Variants in RANBP2 observed in about 807,000 individuals in gnomAD.
RANBP2 encodes the protein E3 SUMO-protein ligase RanBP2.
RANBP2 carries 57 observed loss-of-function variants against 303.6 expected under a neutral mutation model. That is an observed-to-expected ratio of 0.19 (90% CI 0.15 to 0.23). RANBP2 has a LOEUF of 0.23. Ranked by LOEUF, RANBP2 falls within the 10% of genes least tolerant of loss-of-function variation. The pLI is 1.00. For synonymous variants in RANBP2, 1,167 were observed against 1,301.5 expected, an observed-to-expected ratio of 0.90 and a Z score of 2.23; for missense variants, 3,138 against 3,780.8, an observed-to-expected ratio of 0.83 and a Z score of 4.46.
the RANBP2 span, among the ~76,000 whole-genome samples, chr2:109,360,413 C>CT: frequency 6.6e-6 from 1 of 152,226 alleles, no homozygotes; most frequent in South Asian, 2.1e-4. Flanking sequence ...TGTACACAAA[C>CT]TTTGTTTCAT....
the RANBP2 span, among the ~76,000 whole-genome samples, chr2:109,189,377 TTTTTC>T: frequency 5.0e-4 from 76 of 151,212 alleles, no homozygotes; most frequent in African/African-American, 1.7e-3. Flanking sequence ...CTTTTTTTTT[TTTTTC>T]TTTTTTTTGA....
the RANBP2 span, among the ~76,000 whole-genome samples, chr2:109,468,904 G>GA: frequency 6.7e-6 from 1 of 149,998 alleles, no homozygotes; most frequent in Non-Finnish European, 1.5e-5. Context: ...TTCTCATGGT[G>GA]ACGTTTTCAA....
At chr2:109,147,755 A>T in the RANBP2 span, among the ~76,000 whole-genome samples, 1 of 152,230 alleles carries the variant, frequency 6.6e-6, no homozygotes, top group African/African-American at 2.4e-5. Flanking sequence ...ATATTTACGA[A>T]GTTAACAAGC....
chr2:109,257,358 G>T, the RANBP2 span, among the ~76,000 whole-genome samples: 1 of 151,422 alleles, frequency 6.6e-6, no homozygotes, highest in African/African-American at 2.4e-5. Context: ...AGGAGGGAAT[G>T]AAAGAAGGAG....
the RANBP2 span, among the ~76,000 whole-genome samples, chr2:109,520,598 C>CA: frequency 2.6e-3 from 132 of 50,088 alleles, 5 homozygotes; most frequent in Non-Finnish European, 3.4e-3. Context: ...GACTCCATCT[C>CA]AAAAAAAAAA....
At chr2:109,468,065 A>G in the RANBP2 span, among the ~76,000 whole-genome samples, 1 of 152,238 alleles carries the variant, frequency 6.6e-6, no homozygotes. Flanking sequence ...ACAACTCACT[A>G]ATCAAAACTA....
chr2:109,683,536 G>A, the RANBP2 span, among the ~76,000 whole-genome samples: 4 of 152,106 alleles, frequency 2.6e-5, no homozygotes, highest in Non-Finnish European at 5.9e-5. Context: ...GAGTAAATAC[G>A]ACTTCCAATA....
At chr2:109,012,771 G>C in the RANBP2 span, among the ~76,000 whole-genome samples, 58 of 152,118 alleles carry the variant, frequency 3.8e-4, no homozygotes, top group Non-Finnish European at 4.7e-4. Flanking sequence ...AAAATTAGCC[G>C]GGCGTGTTGG....
the RANBP2 span, among the ~76,000 whole-genome samples, chr2:109,673,092 T>G: frequency 6.6e-6 from 1 of 152,130 alleles, no homozygotes; most frequent in African/African-American, 2.4e-5. Context: ...GAAATCCAGG[T>G]TCTAAGCTCT....
chr2:108,746,943 G>A (rs1696564925), intron 8 of RANBP2, 145 bp downstream of exon 8: 1 of 1,307,042 alleles, frequency 7.7e-7, no homozygotes, highest in African/African-American at 1.5e-5. Context: ...CAATAGGTAT[G>A]GAAGAGATGT....
At chr2:109,353,902 C>G in the RANBP2 span, among the ~76,000 whole-genome samples, 1 of 152,152 alleles carries the variant, frequency 6.6e-6, no homozygotes, top group African/African-American at 2.4e-5. Context: ...CTGAGGGGCC[C>G]CTGCCTCCCT....
chr2:109,283,145 G>T, the RANBP2 span, among the ~76,000 whole-genome samples: 1 of 152,170 alleles, frequency 6.6e-6, no homozygotes, highest in Non-Finnish European at 1.5e-5. Flanking sequence ...AATGCCCAGG[G>T]TACAGCCCAG....
the RANBP2 span, among the ~76,000 whole-genome samples, chr2:109,646,657 A>ATT: frequency 7.9e-3 from 945 of 119,010 alleles, 9 homozygotes; most frequent in African/African-American, 0.028. Context: ...ATGACTGGCT[A>ATT]TTTTTTTTTT....
At chr2:109,022,781 T>G in the RANBP2 span, among the ~76,000 whole-genome samples, 11 of 152,212 alleles carry the variant, frequency 7.2e-5, no homozygotes, top group Non-Finnish European at 1.5e-5. Context: ...CTGGGCGTGG[T>G]GGCTCACGCA....
the RANBP2 span, among the ~76,000 whole-genome samples, chr2:109,246,194 A>G: frequency 1.1e-3 from 165 of 152,356 alleles, 1 homozygote; most frequent in African/African-American, 3.8e-3. Context: ...AAGCTGCTGT[A>G]ACAAAATACC....
the RANBP2 span, among the ~76,000 whole-genome samples, chr2:108,984,691 T>G: frequency 7.0e-6 from 1 of 142,448 alleles, no homozygotes; most frequent in Non-Finnish European, 1.5e-5. Flanking sequence ...AGTTTGTTTG[T>G]TTTTTTTTCA....
the RANBP2 span, among the ~76,000 whole-genome samples, chr2:109,113,517 G>A: frequency 6.6e-6 from 1 of 152,200 alleles, no homozygotes; most frequent in Admixed American, 6.5e-5. Flanking sequence ...TTGCTTATCA[G>A]CTTAAGGAGA....
chr2:109,494,041 C>G, the RANBP2 span, among the ~76,000 whole-genome samples: 7 of 152,256 alleles, frequency 4.6e-5, no homozygotes, highest in South Asian at 1.4e-3. Context: ...CAGAGTTGGT[C>G]TGCCGGCTCG....
the RANBP2 span, among the ~76,000 whole-genome samples, chr2:109,519,829 C>T: frequency 2.6e-5 from 4 of 152,048 alleles, no homozygotes; most frequent in South Asian, 4.1e-4. Flanking sequence ...CCTGAAATTA[C>T]GAAATGATAG....
Sources: allele counts gnomAD v4.1 joint callset (sites outside exome capture counted in the v4.1 genomes callset), GRCh38; gene constraint gnomAD v4.1.1; transcripts MANE v1.5; gene names NCBI Gene and HGNC (gene_info 2026-07-23, HGNC 2026-07-21).